Variants in DENND6A observed in about 807,000 individuals in gnomAD.
DENND6A encodes the protein protein DENND6A.
Under a neutral mutation model 95.5 loss-of-function variants are expected in DENND6A, and 43 were observed. The ratio of observed to expected loss-of-function variants is 0.45; its 90% CI spans 0.35 to 0.58. The LOEUF (loss-of-function observed/expected upper bound fraction) is 0.58. Among genes scored for constraint, DENND6A ranks in the 20% least tolerant of loss-of-function variants. The pLI, the probability that DENND6A is intolerant of heterozygous loss-of-function variation, is 0.00. For synonymous variants in DENND6A, 257 were observed against 260.4 expected, an observed-to-expected ratio of 0.99 and a Z score of 0.13; for missense variants, 574 against 736.0, an observed-to-expected ratio of 0.78 and a Z score of 2.55.
intron 15 of DENND6A, among the ~76,000 whole-genome samples, 177 bp downstream of exon 15, chr3:57,633,088 A>G (rs1380011797): frequency 6.6e-6 from 1 of 152,232 alleles, no homozygotes; most frequent in Non-Finnish European, 1.5e-5. Flanking sequence ...CCAAAGTTGA[A>G]CAGTTAACAC....
At chr3:57,631,194 G>A in intron 15 of DENND6A, 1 of 518,504 alleles carries the variant, frequency 1.9e-6, no homozygotes, top group Non-Finnish European at 3.4e-6. Context: ...TAAACCAAGG[G>A]GACTACATTT....
Position 57,641,702 on chromosome 3 carries a change from T to C in DENND6A, c.1083A>G (p.Thr361=), listed in dbSNP as rs1237560233. The change falls in exon 12 of 20, where the codon ACA becomes ACG. Residue 361 remains threonine, a synonymous_variant. Coordinates refer to ENST00000311128, the MANE Select transcript of DENND6A (RefSeq NM_152678.3). The stretch of plus-strand genomic sequence containing the variant: ...GAATAATGTGTGGCCAGTGCTGGAG[T>C]GTCTTAGCAAAAAAAGGGTTGGTTA... ...LGVTNPFFAK[T]LQHWPHIIRI... The C allele has an allele frequency of 6.8e-6, 11 of 1,612,852 alleles. No homozygotes were observed. Among genetic ancestry groups the C allele is most frequent in the South Asian group, 1.1e-5 (1 of 90,972 alleles).
At chr3:57,635,510 T>C (rs2070772893) in intron 12 of DENND6A, among the ~76,000 whole-genome samples, 3 of 152,100 alleles carry the variant, frequency 2.0e-5, no homozygotes, top group Admixed American at 6.6e-5. Context: ...CCCTCCCTCT[T>C]CTCTGCATAA....
At chr3:57,677,066 C>A (rs1036627214) in intron 1 of DENND6A, among the ~76,000 whole-genome samples, 1 of 152,178 alleles carries the variant, frequency 6.6e-6, no homozygotes, top group Non-Finnish European at 1.5e-5. Flanking sequence ...TCAAGTGATC[C>A]ACCCGCCTTG....
chr3:57,633,945 T>C (rs2070739603), intron 14 of DENND6A, among the ~76,000 whole-genome samples: 1 of 151,958 alleles, frequency 6.6e-6, no homozygotes, highest in South Asian at 2.1e-4. Context: ...ATATTTGCTA[T>C]ACTATACTAT....
chr3:57,669,608 G>A (rs1476498841), intron 3 of DENND6A, among the ~76,000 whole-genome samples: 6 of 151,724 alleles, frequency 4.0e-5, no homozygotes, highest in South Asian at 2.1e-4. Context: ...CCAGCTACTC[G>A]GGAGGCTGAG....
intron 9 of DENND6A, among the ~76,000 whole-genome samples, chr3:57,646,722 ATTG>A (rs767328906): frequency 2.0e-5 from 3 of 152,218 alleles, no homozygotes; most frequent in Non-Finnish European, 2.9e-5. Flanking sequence ...TAATTCTCAA[ATTG>A]TTGTACCATA....
rs60063768 is a variant in DENND6A at position 57,662,185 on chromosome 3, CT to C, written c.514-635del. Among the ~76,000 whole-genome samples, 43 of 79,146 alleles carry C rather than the reference CT, an allele frequency of 5.4e-4. 1 individual carries two copies. Among genetic ancestry groups the C allele is most frequent in the South Asian group, 3.3e-3 (6 of 1,836 alleles). 51.9% of individuals were successfully genotyped at this position (79,146 alleles called of 152,430 possible). A position where few individuals can be genotyped will look rare whatever the true frequency, so the allele number is the denominator to read the frequency against. The stretch of plus-strand genomic sequence containing the variant: ...TTTTTGTTTCTTTCTTTTCTTTTTT[CT>C]TTTTTTTTTTTTTTTTTTTTTTGAG... On this transcript the variant is annotated intron_variant, in intron 5 of 19. Coordinates refer to ENST00000311128, the MANE Select transcript of DENND6A (RefSeq NM_152678.3).
intron 12 of DENND6A, among the ~76,000 whole-genome samples, chr3:57,637,301 C>T (rs912108286): frequency 1.3e-5 from 2 of 152,174 alleles, no homozygotes; most frequent in African/African-American, 4.8e-5. Context: ...TCTGTCATAA[C>T]TAGACACAGA....
At chr3:57,677,044 G>C (rs557850618) in intron 1 of DENND6A, among the ~76,000 whole-genome samples, 3 of 152,094 alleles carry the variant, frequency 2.0e-5, no homozygotes, top group African/African-American at 4.8e-5. Flanking sequence ...GGCTGGTCTT[G>C]AGTGCCTGAC....
chr3:57,675,070 CCT>C (rs1491445813), intron 1 of DENND6A, among the ~76,000 whole-genome samples: 1 of 152,072 alleles, frequency 6.6e-6, no homozygotes, highest in African/African-American at 2.4e-5. Context: ...ACAACAAACC[CCT>C]GAGACATGAG....
rs761734627 is a variant in DENND6A at position 57,630,958 on chromosome 3, C to T, written c.1374G>A (p.Leu458=). The T allele has an allele frequency of 3.7e-6, 6 of 1,613,302 alleles. No individual in the cohort carries two copies. The highest frequency in any genetic ancestry group is 4.2e-6 in the Non-Finnish European group (5 of 1,179,848). ...IIPLERYVAS[L]MPLQKSISPW... ...GGGAAATACTTTTCTGCAAAGGCATCAAGCTTGCCACATATCTTTCCTAAA... is the reference window on the plus strand; with the variant it reads ...GGGAAATACTTTTCTGCAAAGGCATTAAGCTTGCCACATATCTTTCCTAAA... The change falls in exon 16 of 20, where the codon TTG becomes TTA. Residue 458 remains leucine, a synonymous_variant. Transcript: ENST00000311128.
intron 1 of DENND6A, among the ~76,000 whole-genome samples, chr3:57,682,778 C>T (rs754259563): frequency 1.1e-4 from 17 of 152,130 alleles, no homozygotes; most frequent in Non-Finnish European, 2.4e-4. Flanking sequence ...CAAGTTCAAG[C>T]GATTCTGCTG....
At chr3:57,644,250 A>G (rs1309923311) in intron 11 of DENND6A, among the ~76,000 whole-genome samples, 6 of 152,138 alleles carry the variant, frequency 3.9e-5, no homozygotes, top group African/African-American at 1.2e-4. Flanking sequence ...AGAAGTCTGC[A>G]AAGAAGATTG....
At chr3:57,691,692 AAC>A (rs1456396441) in intron 1 of DENND6A, among the ~76,000 whole-genome samples, 158 of 128,514 alleles carry the variant, frequency 1.2e-3, no homozygotes, top group Middle Eastern at 4.6e-3. Context: ...AAAAAAAAAA[AAC>A]CAAAACCAAA....
chr3:57,663,753 G>T, intron 4 of DENND6A, 37 bp from the exon 5 acceptor site: 2 of 1,257,434 alleles, frequency 1.6e-6, no homozygotes, highest in Non-Finnish European at 2.2e-6. Flanking sequence ...GTGTGGGGGG[G>T]TACATATATA....
intron 1 of DENND6A, among the ~76,000 whole-genome samples, chr3:57,688,500 A>T (rs76379030): frequency 0.023 from 3,544 of 152,130 alleles, 134 homozygotes; most frequent in African/African-American, 0.08. Context: ...CACCTGTCCC[A>T]TGCTGAGCCA....
At chr3:57,662,731 T>C (rs2071446714) in intron 5 of DENND6A, among the ~76,000 whole-genome samples, 2 of 152,158 alleles carry the variant, frequency 1.3e-5, no homozygotes, top group East Asian at 1.9e-4. Flanking sequence ...TGTAACTTAC[T>C]GTCAGGAATC....
intron 3 of DENND6A, among the ~76,000 whole-genome samples, chr3:57,670,435 A>G (rs2071596935): frequency 6.6e-6 from 1 of 152,224 alleles, no homozygotes; most frequent in Non-Finnish European, 1.5e-5. Context: ...ACATATGGGT[A>G]AAACTAATGA....
Sources: allele counts gnomAD v4.1 joint callset (sites outside exome capture counted in the v4.1 genomes callset), GRCh38; gene constraint gnomAD v4.1.1; transcripts MANE v1.5; gene names NCBI Gene and HGNC (gene_info 2026-07-23, HGNC 2026-07-21).